The following CCDC122 variants were observed in gnomAD, a reference collection of about 807,000 sequenced individuals.
CCDC122 encodes coiled-coil domain-containing protein 122.
Under a neutral mutation model 37.0 loss-of-function variants are expected in CCDC122, and 38 were observed. That is an observed-to-expected ratio of 1.03 (90% confidence interval 0.79 to 1.35). The LOEUF (loss-of-function observed/expected upper bound fraction) is 1.35, where lower values mean the gene tolerates loss of function less well. CCDC122 is among the 40% of genes most tolerant of loss of function. The pLI is 0.00. For missense variants in CCDC122, 305 were observed against 310.0 expected, an observed-to-expected ratio of 0.98 and a Z score of 0.12; for synonymous variants, 83 against 95.6, an observed-to-expected ratio of 0.87 and a Z score of 0.77.
At chr13:43,819,841 A>G (rs906755757), downstream of CCDC122, among the ~76,000 whole-genome samples, 1 of 152,100 alleles carries the variant, frequency 6.6e-6, no homozygotes, top group East Asian at 1.9e-4. Flanking sequence ...AGATTTTAAA[A>G]TGTGATTTCT....
chr13:43,824,749 A>G (rs920835056), intron 3 of CCDC122, among the ~76,000 whole-genome samples: 2 of 152,238 alleles, frequency 1.3e-5, no homozygotes. Flanking sequence ...ACATGAACAG[A>G]TGCTTCTGGA....
chr13:43,870,069 C>A (rs1191725649), intron 2 of CCDC122, among the ~76,000 whole-genome samples: 1 of 152,028 alleles, frequency 6.6e-6, no homozygotes, highest in African/African-American at 2.4e-5. Flanking sequence ...GTACTAGTTA[C>A]ATGTGTTTAA....
intron 4 of CCDC122, among the ~76,000 whole-genome samples, chr13:43,861,383 C>T (rs1055132637): frequency 2.0e-5 from 3 of 152,042 alleles, no homozygotes; most frequent in Non-Finnish European, 2.9e-5. Flanking sequence ...GCAAAGGGTA[C>T]GGATAGACTA....
At chr13:43,850,748 A>T (rs558387701) in intron 6 of CCDC122, among the ~76,000 whole-genome samples, 23 of 152,318 alleles carry the variant, frequency 1.5e-4, no homozygotes, top group East Asian at 1.2e-3. Context: ...CAGATTTTTT[A>T]AAAAAGTATT....
chr13:43,873,920 G>A (rs1594862797), intron 2 of CCDC122, among the ~76,000 whole-genome samples: 1 of 152,174 alleles, frequency 6.6e-6, no homozygotes, highest in Middle Eastern at 3.4e-3. Context: ...CATATAACAG[G>A]TGTCTAATTA....
chr13:43,849,509 G>C (rs1271804246), intron 6 of CCDC122, among the ~76,000 whole-genome samples: 1 of 152,206 alleles, frequency 6.6e-6, no homozygotes, highest in Non-Finnish European at 1.5e-5. Flanking sequence ...CAAGACCCAA[G>C]TAATGTCCTG....
rs186078316 is a variant in CCDC122, at chr13:43,866,110, T to C, written c.156+2584A>G. Reference sequence around the variant, plus strand: ...AGGACGACTCACATCCCAGGCAGGATGGAGCAGGACAATGCGAGATTTCAT... The same window carrying C: ...AGGACGACTCACATCCCAGGCAGGACGGAGCAGGACAATGCGAGATTTCAT... On this transcript the variant is annotated intron_variant, in intron 4 of 6. Coordinates refer to ENST00000444614, the MANE Select transcript of CCDC122 (RefSeq NM_144974.5). Among the ~76,000 whole-genome samples the C allele has an allele frequency of 1.4e-4, 22 of 152,338 alleles. No homozygotes were observed. In the East Asian group the frequency reaches 1.7e-3, roughly 12 times the overall value.
At chr13:43,838,270 A>T (rs575552996) in intron 6 of CCDC122, among the ~76,000 whole-genome samples, 1 of 152,286 alleles carries the variant, frequency 6.6e-6, no homozygotes, top group Admixed American at 6.5e-5. Flanking sequence ...AGTTAAGAAA[A>T]ATGGTTCCAT....
chr13:43,845,985 T>C (rs555331849), intron 6 of CCDC122, among the ~76,000 whole-genome samples: 2 of 152,326 alleles, frequency 1.3e-5, no homozygotes, highest in African/African-American at 2.4e-5. Context: ...ATACTTATTA[T>C]AGTTTTCCAG....
intron 1 of CCDC122, among the ~76,000 whole-genome samples, chr13:43,878,928 A>C (rs560946403): frequency 1.1e-3 from 170 of 152,320 alleles, no homozygotes; most frequent in Admixed American, 2.0e-3. Context: ...GAAACAAATG[A>C]ACAACAAAAA....
intron 3 of CCDC122, among the ~76,000 whole-genome samples, chr13:43,826,549 C>A (rs9533637): frequency 0.88 from 134,139 of 152,080 alleles, 59,869 homozygotes; most frequent in South Asian, 0.98. Flanking sequence ...AAGCTCAAAA[C>A]TCCCTTTGTA....
At chr13:43,849,110 C>G in intron 6 of CCDC122, 1 of 841,740 alleles carries the variant, frequency 1.2e-6, no homozygotes, top group Non-Finnish European at 1.4e-6. Flanking sequence ...AAGTTCTTAA[C>G]TTTTCATTTT....
At chr13:43,850,158 C>T (rs1953676137) in intron 6 of CCDC122, among the ~76,000 whole-genome samples, 1 of 152,158 alleles carries the variant, frequency 6.6e-6, no homozygotes, top group African/African-American at 2.4e-5. Context: ...TTCCCCCTTC[C>T]ATGGGAAACA....
rs1390606053 is a variant in CCDC122, at chr13:43,837,224, T to C, written c.*56A>G. On this transcript the variant is annotated 3_prime_UTR_variant, in exon 7 of 7. Coordinates refer to ENST00000444614, the MANE Select transcript of CCDC122 (RefSeq NM_144974.5). ...AGAATCCAAAAGATTTTCTTAATGT[T>C]CTGTCCAGTAATTTTTGTTGTCATG... 2.0e-6 allele frequency: 3 copies of C among 1,521,584 alleles called. No homozygotes were observed. The highest frequency in any genetic ancestry group is 2.7e-6 in the Non-Finnish European group (3 of 1,123,354). The allele number at this position is 1,521,584 out of a possible 1,614,324, so 94.3% of individuals were successfully genotyped here.
At chr13:43,823,391 G>A (rs1487713424), downstream of CCDC122, among the ~76,000 whole-genome samples, 1 of 152,094 alleles carries the variant, frequency 6.6e-6, no homozygotes, top group Non-Finnish European at 1.5e-5. Context: ...ATCTCTGTGA[G>A]CTGCACTGCC....
At chr13:43,852,628 T>C (rs1161817456) in intron 6 of CCDC122, among the ~76,000 whole-genome samples, 1 of 151,932 alleles carries the variant, frequency 6.6e-6, no homozygotes, top group Admixed American at 6.6e-5. Context: ...ATTCAGGAAG[T>C]GCAGAGAACC....
At chr13:43,825,468 G>T (rs1397343787) in intron 3 of CCDC122, among the ~76,000 whole-genome samples, 2 of 151,934 alleles carry the variant, frequency 1.3e-5, no homozygotes, top group South Asian at 2.1e-4. Context: ...AGAGATTGGG[G>T]ACTCTAAAAG....
downstream of CCDC122, among the ~76,000 whole-genome samples, chr13:43,821,211 G>A (rs1182707416): frequency 6.6e-6 from 1 of 152,086 alleles, no homozygotes; most frequent in Non-Finnish European, 1.5e-5. Context: ...ATATCTTTAT[G>A]TAGGGGTTTT....
At chr13:43,834,547 T>C (rs1308027194), downstream of CCDC122, among the ~76,000 whole-genome samples, 1 of 152,138 alleles carries the variant, frequency 6.6e-6, no homozygotes, top group Non-Finnish European at 1.5e-5. Flanking sequence ...AGAAAATTTT[T>C]GCAATCTACT....
Sources: allele counts gnomAD v4.1 joint callset (sites outside exome capture counted in the v4.1 genomes callset), GRCh38; gene constraint gnomAD v4.1.1; transcripts MANE v1.5; gene names NCBI Gene and HGNC (gene_info 2026-07-23, HGNC 2026-07-21).